Variants in ZCCHC8 observed in about 807,000 individuals in gnomAD.
ZCCHC8 encodes zinc finger CCHC-type containing 8.
In ZCCHC8, 27 loss-of-function variants were observed where a neutral mutation model predicts 70.6. That is an observed-to-expected ratio of 0.38 (90% CI 0.28 to 0.53). The LOEUF (loss-of-function observed/expected upper bound fraction) is 0.53. Among genes scored for constraint, ZCCHC8 ranks in the 20% least tolerant of loss-of-function variants. The pLI is 0.81. For synonymous variants in ZCCHC8, 293 were observed against 317.4 expected, an observed-to-expected ratio of 0.92 and a Z score of 0.82; for missense variants, 737 against 876.9, an observed-to-expected ratio of 0.84 and a Z score of 2.01.
intron 2 of ZCCHC8, among the ~76,000 whole-genome samples, chr12:122,498,396 T>TG (rs1320818101): frequency 2.6e-5 from 4 of 152,166 alleles, no homozygotes; most frequent in Non-Finnish European, 5.9e-5. Flanking sequence ...CCCAAAGTGC[T>TG]GGGATTACAG....
At chr12:122,494,449 T>C (rs1957795609) in intron 2 of ZCCHC8, among the ~76,000 whole-genome samples, 1 of 151,172 alleles carries the variant, frequency 6.6e-6, no homozygotes, top group Non-Finnish European at 1.5e-5. Context: ...TAAACTCAGC[T>C]ACTCGGGAGG....
chr12:122,474,321 T>C lies in ZCCHC8; in HGVS notation c.1346-46A>G, dbSNP rs1239161514. 2.3e-6 allele frequency: 3 copies of C among 1,331,112 alleles called. No individual in the cohort carries two copies. In the African/African-American group the frequency reaches 4.5e-5, roughly 20 times the overall value. 82.5% of individuals were successfully genotyped at this position (1,331,112 alleles called of 1,614,324 possible). ...GATACTTTAGAACTTATAATAGCATTTGGTTTTACTAAAATTTGTTATTTG... is the reference window on the plus strand; with the variant it reads ...GATACTTTAGAACTTATAATAGCATCTGGTTTTACTAAAATTTGTTATTTG... On this transcript the variant is annotated intron_variant, in intron 13 of 13. Transcript: ENST00000633063.
intron 13 of ZCCHC8, among the ~76,000 whole-genome samples, chr12:122,476,057 T>C (rs1266832378): frequency 6.6e-6 from 1 of 152,250 alleles, no homozygotes; most frequent in African/African-American, 2.4e-5. Flanking sequence ...GTTTTTCCTC[T>C]GTGCCACCAT....
chr12:122,485,268 C>T (rs1333932255), intron 5 of ZCCHC8, among the ~76,000 whole-genome samples: 1 of 152,110 alleles, frequency 6.6e-6, no homozygotes, highest in East Asian at 1.9e-4. Context: ...GCATGCACCA[C>T]CACACCCGGC....
Position 122,490,495 on chromosome 12 carries a change from A to G in ZCCHC8, c.390T>C (p.Asp130=). The part of the protein sequence containing the change: ...VKRFEEQQKN[D]VEKTSFNLLP... Reference sequence around the variant, plus strand: ...AAAGATTAAAGGAAGTCTTTTCCACATCATTTTTCTGCTGTTCCTCAAATC... The same window carrying G: ...AAAGATTAAAGGAAGTCTTTTCCACGTCATTTTTCTGCTGTTCCTCAAATC... Residue 130 remains aspartate (D), a synonymous_variant, in exon 4 of 14, where the codon GAT becomes GAC. Transcript: ENST00000633063. 6.2e-7 allele frequency: 1 copy of G among 1,613,072 alleles called. No individual in the cohort carries two copies. Among genetic ancestry groups the G allele is most frequent in the Non-Finnish European group, 8.5e-7 (1 of 1,179,444 alleles).
At chr12:122,498,961 T>C in intron 1 of ZCCHC8, 92 bp from the exon 2 acceptor site, 1 of 1,206,902 alleles carries the variant, frequency 8.3e-7, no homozygotes, top group Non-Finnish European at 1.2e-6. Flanking sequence ...GTCAGAATAT[T>C]ATAAAGACAA....
chr12:122,492,374 ATT>A (rs1350471448), intron 3 of ZCCHC8: 3 of 194,026 alleles, frequency 1.5e-5, no homozygotes, highest in African/African-American at 7.0e-5. Flanking sequence ...GATAGTGATG[ATT>A]TTTATTAGAA....
Position 122,471,730 on chromosome 12 carries a change from T to C in ZCCHC8, c.*1767A>G, listed in dbSNP as rs2137311492. ...GAAATTTCTCTCTTTATAATTTTCC[T>C]TTCCTTTATTCTTTACAGAACAGTA... is the stretch of plus-strand genomic sequence containing the variant. On this transcript the variant is annotated 3_prime_UTR_variant, in exon 14 of 14. Transcript: ENST00000633063. The C allele has an allele frequency of 1.3e-5, 2 of 152,386 alleles. No individual in the cohort carries two copies. The highest frequency in any genetic ancestry group is 1.3e-4 in the Admixed American group (2 of 15,304). The allele number at this position is 152,386 out of a possible 1,614,324, so 9.4% of individuals were successfully genotyped here.
chr12:122,485,568 A>T (rs545141781), intron 5 of ZCCHC8, among the ~76,000 whole-genome samples: 5 of 152,130 alleles, frequency 3.3e-5, no homozygotes, highest in Non-Finnish European at 7.3e-5. Flanking sequence ...GGGGCGTGTG[A>T]GTGGCATCTC....
chr12:122,487,151 CA>C (rs1245382848), intron 5 of ZCCHC8, among the ~76,000 whole-genome samples: 3 of 152,312 alleles, frequency 2.0e-5, no homozygotes, highest in African/African-American at 7.2e-5. Context: ...AGTCACTATA[CA>C]AACCACCTAC....
At chr12:122,495,127 T>G (rs1957807086) in intron 2 of ZCCHC8, among the ~76,000 whole-genome samples, 1 of 152,188 alleles carries the variant, frequency 6.6e-6, no homozygotes, top group Non-Finnish European at 1.5e-5. Flanking sequence ...TATTAAATGT[T>G]AAATTAAGTG....
chr12:122,488,191 T>G (rs893080554), intron 5 of ZCCHC8, among the ~76,000 whole-genome samples: 1 of 152,016 alleles, frequency 6.6e-6, no homozygotes, highest in Non-Finnish European at 1.5e-5. Context: ...ACCACCACAC[T>G]TGGCTAATTT....
chr12:122,498,874 T>G lies in ZCCHC8; in HGVS notation c.200-5A>C. ...ATTTTCGTTTAAGTTCTTGATGTTATTATTTGTTAAGGAAGATAAGCCCTC... is the reference window on the plus strand; with the variant it reads ...ATTTTCGTTTAAGTTCTTGATGTTAGTATTTGTTAAGGAAGATAAGCCCTC... On this transcript the variant is annotated splice_polypyrimidine_tract_variant and splice_region_variant and intron_variant, in intron 1 of 13. Transcript: ENST00000633063. The G allele has an allele frequency of 6.2e-7, 1 of 1,612,822 alleles. No individual in the cohort carries two copies. The highest frequency in any genetic ancestry group is 1.1e-5 in the South Asian group (1 of 90,964).
intron 2 of ZCCHC8, among the ~76,000 whole-genome samples, chr12:122,497,908 C>G (rs1223549722): frequency 6.6e-6 from 1 of 151,944 alleles, no homozygotes; most frequent in Admixed American, 6.6e-5. Context: ...ATTTGGGAGG[C>G]TGAGGCGGGA....
At chr12:122,479,210 G>A (rs1205161294) in intron 11 of ZCCHC8, among the ~76,000 whole-genome samples, 1 of 152,084 alleles carries the variant, frequency 6.6e-6, no homozygotes, top group African/African-American at 2.4e-5. Context: ...TGAGTAGCTG[G>A]GATTATAGGC....
chr12:122,499,938 C>T (rs1957893040), intron 1 of ZCCHC8: 1 of 152,130 alleles, frequency 6.6e-6, no homozygotes, highest in Admixed American at 6.5e-5. Flanking sequence ...TATCTATCTA[C>T]CTATAAAACT....
Position 122,489,370 on chromosome 12 carries a change from A to G in ZCCHC8, c.501+16T>C. 1 of 1,612,126 alleles carries G rather than the reference A, an allele frequency of 6.2e-7. No individual in the cohort carries two copies. On this transcript the variant is annotated intron_variant, in intron 5 of 13. Coordinates refer to ENST00000633063, the MANE Select transcript of ZCCHC8 (RefSeq NM_017612.5). ...CACCTATTGGCTGAATTCAAAACTGAAATGTCCAAACTTACACTGAAAGCT... is the reference window on the plus strand; with the variant it reads ...CACCTATTGGCTGAATTCAAAACTGGAATGTCCAAACTTACACTGAAAGCT...
In ZCCHC8 at chr12:122,482,628, A is replaced by C; in HGVS notation, c.732+7T>G. 6.3e-7 allele frequency: 1 copy of C among 1,599,820 alleles called. No individual in the cohort carries two copies. The highest frequency in any genetic ancestry group is 8.5e-7 in the Non-Finnish European group (1 of 1,171,978). ...CAAAGACTTTTCTTAACATGAGAAA[A>C]ATTTACCATTGGGCAATCTTTCATT... On this transcript the variant is annotated splice_region_variant and intron_variant, in intron 8 of 13. Coordinates refer to ENST00000633063, the MANE Select transcript of ZCCHC8 (RefSeq NM_017612.5).
At chr12:122,491,403 C>T (rs1394386806) in intron 3 of ZCCHC8, among the ~76,000 whole-genome samples, 2 of 151,808 alleles carry the variant, frequency 1.3e-5, no homozygotes, top group Non-Finnish European at 2.9e-5. Flanking sequence ...GTGGCAGGCA[C>T]CTGTAATCCC....
Sources: gnomAD v4.1 joint callset for allele counts (sites outside exome capture counted in the v4.1 genomes callset) on GRCh38, gnomAD v4.1.1 for gene constraint, MANE v1.5 for transcripts, NCBI Gene and HGNC (gene_info 2026-07-23, HGNC 2026-07-21) for gene names.